PKIB: variants seen among roughly 807,000 people sequenced by gnomAD.
PKIB encodes PKI-beta.
In PKIB, 2 loss-of-function variants were observed where a neutral mutation model predicts 4.5. The observed-to-expected ratio is 0.44, with a 90% CI of 0.18 to 1.39. PKIB has a LOEUF of 1.39. Ranked by LOEUF, PKIB falls within the 40% of genes most tolerant of loss-of-function variation. The probability of loss-of-function intolerance (pLI) is 0.27; values close to 1 mark genes in which losing one functional copy is unlikely to be tolerated. For missense variants in PKIB, 94 were observed against 92.6 expected, an observed-to-expected ratio of 1.02 and a Z score of -0.06; for synonymous variants, 38 against 36.0, an observed-to-expected ratio of 1.06 and a Z score of -0.20.
chr6:122,492,505 A>G (rs1466967666), intron 2 of PKIB, among the ~76,000 whole-genome samples: 2 of 152,208 alleles, frequency 1.3e-5, no homozygotes, highest in East Asian at 3.8e-4. Flanking sequence ...CTTTTCCACT[A>G]ATTCCTAGAC....
chr6:122,508,616 T>C (rs1260179338), intron 2 of PKIB, among the ~76,000 whole-genome samples: 1 of 152,162 alleles, frequency 6.6e-6, no homozygotes, highest in Non-Finnish European at 1.5e-5. Flanking sequence ...AAACCCTGAG[T>C]ACGCACAGCT....
At chr6:122,537,905 G>C (rs1296870510) in intron 2 of PKIB, among the ~76,000 whole-genome samples, 2 of 151,850 alleles carry the variant, frequency 1.3e-5, no homozygotes, top group Non-Finnish European at 2.9e-5. Context: ...TTATGGTTTT[G>C]ATTTGCATTT....
chr6:122,566,502 G>A (rs1394671253), intron 2 of PKIB, among the ~76,000 whole-genome samples: 1 of 151,818 alleles, frequency 6.6e-6, no homozygotes, highest in African/African-American at 2.4e-5. Context: ...TTATACTAAT[G>A]CTTATGTTCC....
chr6:122,633,957 T>TCTATCTAC (rs1310949528), intron 2 of PKIB, among the ~76,000 whole-genome samples: 1 of 151,832 alleles, frequency 6.6e-6, no homozygotes, highest in African/African-American at 2.4e-5. Flanking sequence ...TATCTATCTA[T>TCTATCTAC]CTATCTATCT....
chr6:122,666,116 G>A (rs1464350669), intron 2 of PKIB, among the ~76,000 whole-genome samples: 2 of 152,200 alleles, frequency 1.3e-5, no homozygotes, highest in African/African-American at 4.8e-5. Context: ...AAGCTCGTGT[G>A]CATAGCATTA....
chr6:122,644,890 A>T (rs1052595464), intron 2 of PKIB: 2 of 152,234 alleles, frequency 1.3e-5, no homozygotes, highest in African/African-American at 4.8e-5. Context: ...AAAAACTAGC[A>T]AAATATTCAT....
intron 2 of PKIB, among the ~76,000 whole-genome samples, chr6:122,539,196 T>G (rs954456110): frequency 2.6e-5 from 4 of 152,082 alleles, no homozygotes; most frequent in African/African-American, 4.8e-5. Context: ...CTAATTGCCC[T>G]GGCCAGAACT....
chr6:122,646,023 C>T (rs1225373735), intron 2 of PKIB, among the ~76,000 whole-genome samples: 3 of 151,924 alleles, frequency 2.0e-5, no homozygotes, highest in African/African-American at 7.3e-5. Context: ...TAACTTCCTG[C>T]GGTTGAAACT....
At chr6:122,678,883 T>C (rs1425205293) in intron 3 of PKIB, among the ~76,000 whole-genome samples, 1 of 152,182 alleles carries the variant, frequency 6.6e-6, no homozygotes. Context: ...GAAAATAGTG[T>C]ATCTAAGTCT....
At chr6:122,608,694 T>C (rs1202093584), upstream of PKIB, among the ~76,000 whole-genome samples, 2 of 152,256 alleles carry the variant, frequency 1.3e-5, no homozygotes, top group African/African-American at 4.8e-5. Context: ...GTTGAGGATA[T>C]GGCCTTCATG....
intron 2 of PKIB, among the ~76,000 whole-genome samples, chr6:122,666,207 T>C (rs972121637): frequency 1.2e-4 from 18 of 152,188 alleles, no homozygotes; most frequent in Non-Finnish European, 2.5e-4. Flanking sequence ...CTTTGCCCAG[T>C]GCACTCACCA....
At chr6:122,515,915 A>G (rs1223962966) in intron 2 of PKIB, among the ~76,000 whole-genome samples, 2 of 151,938 alleles carry the variant, frequency 1.3e-5, no homozygotes, top group East Asian at 1.9e-4. Context: ...GGGTTTCACC[A>G]TGTTCACCAG....
chr6:122,718,555 C>G (rs1398390926), intron 4 of PKIB, among the ~76,000 whole-genome samples: 1 of 151,636 alleles, frequency 6.6e-6, no homozygotes, highest in African/African-American at 2.4e-5. Flanking sequence ...AAAACAAAAC[C>G]CTGAATCAAA....
At chr6:122,474,026 A>T (rs1435467836) in intron 1 of PKIB, among the ~76,000 whole-genome samples, 6 of 152,142 alleles carry the variant, frequency 3.9e-5, no homozygotes, top group Non-Finnish European at 8.8e-5. Flanking sequence ...CCAGCTACTC[A>T]GGAGGCTGAG....
At chr6:122,480,841 CATT>C (rs1394883651) in intron 2 of PKIB, 1 of 152,166 alleles carries the variant, frequency 6.6e-6, no homozygotes, top group Admixed American at 6.5e-5. Context: ...AAATCCACAT[CATT>C]ACTAATCATA....
chr6:122,618,337 C>T (rs979554359), intron 1 of PKIB, among the ~76,000 whole-genome samples: 1 of 152,002 alleles, frequency 6.6e-6, no homozygotes, highest in African/African-American at 2.4e-5. Context: ...CTTTTTCTTT[C>T]TTTCAGTCTC....
intron 2 of PKIB, among the ~76,000 whole-genome samples, chr6:122,519,289 G>C (rs1468444573): frequency 6.6e-6 from 1 of 152,170 alleles, no homozygotes; most frequent in Non-Finnish European, 1.5e-5. Flanking sequence ...ATCACCCCCA[G>C]ATGAGACTGT....
intron 2 of PKIB, among the ~76,000 whole-genome samples, chr6:122,572,279 G>A (rs1161430934): frequency 1.3e-5 from 2 of 152,016 alleles, no homozygotes; most frequent in Non-Finnish European, 2.9e-5. Flanking sequence ...TAACACAGGA[G>A]CTCCAAGATT....
In PKIB at chr6:122,578,259, A is replaced by G. The variant is rs1773607221; in HGVS notation, c.-247-7662A>G. On this transcript the variant is annotated intron_variant, in intron 2 of 6. Coordinates refer to the PKIB transcript ENST00000392491. ...CACAGGATTTGGAAAATAAGTTAGCATCACGTATGATGCTTCTGCTTCAAA... is the reference window on the plus strand; with the variant it reads ...CACAGGATTTGGAAAATAAGTTAGCGTCACGTATGATGCTTCTGCTTCAAA... Among the ~76,000 whole-genome samples, 3 of 152,222 alleles carry G rather than the reference A, an allele frequency of 2.0e-5. 1 individual carries two copies. In the South Asian group the frequency reaches 6.2e-4, roughly 32 times the overall value.
Sources: gnomAD v4.1 joint callset for allele counts (sites outside exome capture counted in the v4.1 genomes callset) on GRCh38, gnomAD v4.1.1 for gene constraint, MANE v1.5 for transcripts, NCBI Gene and HGNC (gene_info 2026-07-23, HGNC 2026-07-21) for gene names.